NOP58: variants seen among roughly 807,000 people sequenced by gnomAD.
The protein encoded by NOP58 is nucleolar protein 58.
NOP58 carries 44 observed loss-of-function variants against 71.2 expected under a neutral mutation model. That is an observed-to-expected ratio of 0.62 (90% CI 0.49 to 0.79). The LOEUF (loss-of-function observed/expected upper bound fraction) is 0.79, where lower values mean the gene tolerates loss of function less well. Ranked by LOEUF, NOP58 falls within the 30% of genes least tolerant of loss-of-function variation. The pLI, the probability that NOP58 is intolerant of heterozygous loss-of-function variation, is 0.00. For missense variants in NOP58, 538 were observed against 620.2 expected, an observed-to-expected ratio of 0.87 and a Z score of 1.41; for synonymous variants, 228 against 200.3, an observed-to-expected ratio of 1.14 and a Z score of -1.17.
intron 2 of NOP58, among the ~76,000 whole-genome samples, chr2:202,277,646 T>C (rs1688626348): frequency 6.6e-6 from 1 of 152,156 alleles, no homozygotes; most frequent in African/African-American, 2.4e-5. Context: ...TATAATAAAG[T>C]CATCTCTGTA....
chr2:202,276,306 C>G (rs1688588616), intron 2 of NOP58: 1 of 236,152 alleles, frequency 4.2e-6, no homozygotes. Flanking sequence ...CGCCACTGCA[C>G]TCCAGTCTGG....
chr2:202,265,876 G>T lies in NOP58; in HGVS notation c.-66G>T. ...CTAGGAGGCCTTTTGAGGCCGCGTA[G>T]TCGGTGTTTTTGAACTGACTCTACA... On this transcript the variant is annotated 5_prime_UTR_variant, in exon 1 of 15. Coordinates refer to ENST00000264279, the MANE Select transcript of NOP58 (RefSeq NM_015934.5). The T allele has an allele frequency of 6.2e-7, 1 of 1,600,830 alleles. No individual in the cohort carries two copies. The highest frequency in any genetic ancestry group is 8.6e-7 in the Non-Finnish European group (1 of 1,169,198).
intron 13 of NOP58, among the ~76,000 whole-genome samples, chr2:202,301,445 A>G (rs1689091957): frequency 6.6e-6 from 1 of 151,642 alleles, no homozygotes; most frequent in South Asian, 2.1e-4. Flanking sequence ...GGCCTCCCAA[A>G]CTGCTGGGAT....
At chr2:202,283,422 G>C (rs916693566) in intron 4 of NOP58, among the ~76,000 whole-genome samples, 4 of 149,050 alleles carry the variant, frequency 2.7e-5, no homozygotes, top group African/African-American at 9.9e-5. Context: ...TTACAGGCAT[G>C]TGCCACCACG....
intron 13 of NOP58, among the ~76,000 whole-genome samples, chr2:202,301,157 T>C (rs1689084203): frequency 6.6e-6 from 1 of 152,074 alleles, no homozygotes; most frequent in Non-Finnish European, 1.5e-5. Flanking sequence ...TCCAATTTAT[T>C]TGTCAATTTT....
Position 202,290,426 on chromosome 2 carries a change from T to C in NOP58, c.603T>C (p.Asn201=). 6.2e-7 allele frequency: 1 copy of C among 1,610,996 alleles called. No homozygotes were observed. The change falls in exon 7 of 15, where the codon AAT becomes AAC. Residue 201 remains asparagine (N), a synonymous_variant. Coordinates refer to ENST00000264279, the MANE Select transcript of NOP58 (RefSeq NM_015934.5). ...FPELGKIISD[N]LTYCKCLQKV... Reference sequence around the variant, plus strand: ...AATTAGGAAAAATTATTTCAGATAATTTAACATACTGCAAGTGTTTACAGA... The same window carrying C: ...AATTAGGAAAAATTATTTCAGATAACTTAACATACTGCAAGTGTTTACAGA...
At chr2:202,268,508 C>T (rs1394237437) in intron 1 of NOP58, among the ~76,000 whole-genome samples, 1 of 150,934 alleles carries the variant, frequency 6.6e-6, no homozygotes, top group African/African-American at 2.4e-5. Flanking sequence ...GCACTCCAGC[C>T]TGGGCAATAA....
At chr2:202,277,516 A>G (rs961632450) in intron 2 of NOP58, among the ~76,000 whole-genome samples, 12 of 152,004 alleles carry the variant, frequency 7.9e-5, no homozygotes, top group Admixed American at 7.9e-4. Context: ...AGGATGTAAC[A>G]AGAATGAGAC....
At chr2:202,299,200 C>A (rs907653204) in intron 12 of NOP58, among the ~76,000 whole-genome samples, 2 of 152,024 alleles carry the variant, frequency 1.3e-5, no homozygotes, top group Non-Finnish European at 2.9e-5. Flanking sequence ...CCTCGTGATC[C>A]GCCCGCCTTG....
intron 3 of NOP58, 50 bp downstream of exon 3, chr2:202,278,052 C>A (rs994257300): frequency 8.7e-7 from 1 of 1,149,944 alleles, no homozygotes; most frequent in Non-Finnish European, 1.3e-6. Context: ...TAAGTCTTAG[C>A]CGTTTGTTTT....
At chr2:202,299,923 A>G (rs1427443037) in intron 12 of NOP58, 2 of 188,258 alleles carry the variant, frequency 1.1e-5, no homozygotes, top group African/African-American at 4.8e-5. Context: ...TTAGGTGTGA[A>G]GACGTTTTCT....
At chr2:202,266,008 T>G (rs1440885690) in intron 1 of NOP58, 22 bp downstream of exon 1, 2 of 1,613,528 alleles carry the variant, frequency 1.2e-6, no homozygotes, top group Admixed American at 3.3e-5. Context: ...AGCGAGCCGT[T>G]AAAGGGGGAA....
chr2:202,288,815 CA>C lies in NOP58; in HGVS notation c.499+1102del, dbSNP rs372898277. Reference sequence around the variant, plus strand: ...GGACAACATGAGCAACACTCCGTCTCAAAAAAAAAAACAAAGTATTCGGCTG... The same window carrying C: ...GGACAACATGAGCAACACTCCGTCTCAAAAAAAAAACAAAGTATTCGGCTG... On this transcript the variant is annotated intron_variant, in intron 6 of 14. Coordinates refer to ENST00000264279, the MANE Select transcript of NOP58 (RefSeq NM_015934.5). 5.1e-4 allele frequency among the ~76,000 whole-genome samples: 71 copies of C among 138,988 alleles called. No individual in the cohort carries two copies. The East Asian group carries it at 0.011, about 21-fold the overall frequency. The allele number at this position is 138,988 out of a possible 152,430, so 91.2% of individuals were successfully genotyped here. A position where few individuals can be genotyped will look rare whatever the true frequency, so the allele number is the denominator to read the frequency against.
intron 1 of NOP58, among the ~76,000 whole-genome samples, chr2:202,270,522 G>T (rs139227265): frequency 1.3e-5 from 2 of 152,142 alleles, no homozygotes; most frequent in Non-Finnish European, 2.9e-5. Context: ...AGTGGCTCAC[G>T]CCTGTCACCC....
At chr2:202,282,931 C>T (rs917296751) in intron 4 of NOP58, among the ~76,000 whole-genome samples, 3 of 152,066 alleles carry the variant, frequency 2.0e-5, no homozygotes, top group East Asian at 1.9e-4. Flanking sequence ...ACAATTCGGG[C>T]GGGGCGCGGT....
At position 202,303,392 on chromosome 2, in the gene NOP58, GAGAAAAAGA is replaced by G. The variant is rs748321633; in HGVS notation, c.1557_1565del (p.Lys522_Lys524del). ...TCTTGTTGGCTATTTTCAGAGTCCA[GAGAAAAAGA>G]AGAAAAAGAAAAAAAAGAGAGAGAA... On this transcript the variant is annotated inframe_deletion, in exon 15 of 15. Transcript: ENST00000264279. The G allele has an allele frequency of 3.1e-6, 5 of 1,612,116 alleles. No individual in the cohort carries two copies. Among genetic ancestry groups the G allele is most frequent in the East Asian group, 2.2e-5 (1 of 44,786 alleles).
chr2:202,284,061 C>A (rs1487580565), intron 4 of NOP58, among the ~76,000 whole-genome samples: 5 of 151,906 alleles, frequency 3.3e-5, no homozygotes, highest in African/African-American at 9.7e-5. Context: ...GCGGGCGGAT[C>A]ACTTGAGGTC....
chr2:202,292,801 A>T lies in NOP58; in HGVS notation c.805A>T (p.Thr269Ser). 6.2e-7 allele frequency: 1 copy of T among 1,612,034 alleles called. No individual in the cohort carries two copies. Among genetic ancestry groups the T allele is most frequent in the South Asian group, 1.1e-5 (1 of 91,048 alleles). ...GGTGATTGAAATCTCTGAATATCGA[A>T]CCCAGCTCTATGAATATCTACAAAA... ...TQVIEISEYR[T>S]QLYEYLQNRM... The change falls in exon 9 of 15, where the codon ACC becomes TCC. Residue 269 changes from threonine to serine, a missense_variant. Transcript: ENST00000264279.
At chr2:202,283,340 C>T (rs1018060396) in intron 4 of NOP58, among the ~76,000 whole-genome samples, 1 of 152,144 alleles carries the variant, frequency 6.6e-6, no homozygotes, top group Non-Finnish European at 1.5e-5. Flanking sequence ...AGGGATTCCC[C>T]TGCCTTAGCC....
Sources: allele counts gnomAD v4.1 joint callset (sites outside exome capture counted in the v4.1 genomes callset), GRCh38; gene constraint gnomAD v4.1.1; transcripts MANE v1.5; gene names NCBI Gene and HGNC (gene_info 2026-07-23, HGNC 2026-07-21).